Variants in BNC2 observed in about 807,000 individuals in gnomAD.
BNC2 encodes the protein zinc finger protein basonuclin-2.
A neutral mutation model predicts 76.3 loss-of-function variants in BNC2; 20 were observed. That is an observed-to-expected ratio of 0.26 (90% CI 0.18 to 0.38). The LOEUF (loss-of-function observed/expected upper bound fraction) is 0.38. Among genes scored for constraint, BNC2 ranks in the 10% least tolerant of loss-of-function variants. BNC2 has a pLI of 1.00. For missense variants in BNC2, 1,382 were observed against 1,399.8 expected (o/e 0.99, Z 0.20); for synonymous variants, 582 against 514.8 (o/e 1.13, Z -1.77).
At chr9:16,675,706 T>TA (rs1350373245) in intron 3 of BNC2, among the ~76,000 whole-genome samples, 2 of 152,238 alleles carry the variant, frequency 1.3e-5, no homozygotes, top group African/African-American at 2.4e-5. Flanking sequence ...TGATTTTGGT[T>TA]AAGTCTTAAA....
At chr9:16,774,937 TA>T (rs1825923866) in intron 1 of BNC2, among the ~76,000 whole-genome samples, 1 of 152,240 alleles carries the variant, frequency 6.6e-6, no homozygotes, top group South Asian at 2.1e-4. Context: ...TTTTTGCTTT[TA>T]CTAAAATATG....
At chr9:16,556,179 A>T (rs1818825581) in intron 4 of BNC2, among the ~76,000 whole-genome samples, 1 of 152,094 alleles carries the variant, frequency 6.6e-6, no homozygotes, top group Non-Finnish European at 1.5e-5. Context: ...AGTCCCAGCT[A>T]CTTGGGAGGC....
intron 5 of BNC2, among the ~76,000 whole-genome samples, chr9:16,480,576 G>A (rs926677481): frequency 2.6e-4 from 40 of 152,316 alleles, no homozygotes; most frequent in Admixed American, 1.1e-3. Flanking sequence ...CCGGGTGGGC[G>A]TGGGCTTGGC....
chr9:16,564,418 C>T (rs529807309), intron 4 of BNC2, among the ~76,000 whole-genome samples: 2 of 152,238 alleles, frequency 1.3e-5, no homozygotes, highest in East Asian at 3.9e-4. Context: ...GGCACAGCTA[C>T]AAAATGATTG....
At chr9:16,735,654 C>T (rs1415360310) in intron 2 of BNC2, among the ~76,000 whole-genome samples, 2 of 151,550 alleles carry the variant, frequency 1.3e-5, no homozygotes, top group African/African-American at 2.4e-5. Flanking sequence ...GTGCCATCAC[C>T]CCCGGCTAAT....
chr9:16,447,241 A>G (rs182957285), intron 5 of BNC2, among the ~76,000 whole-genome samples: 17 of 152,294 alleles, frequency 1.1e-4, no homozygotes, highest in African/African-American at 4.1e-4. Flanking sequence ...ATCTAGCCCT[A>G]TACCTTTAGG....
At chr9:16,491,393 C>T (rs1299961049) in intron 5 of BNC2, among the ~76,000 whole-genome samples, 1 of 152,150 alleles carries the variant, frequency 6.6e-6, no homozygotes, top group Non-Finnish European at 1.5e-5. Context: ...ACATGCATTT[C>T]TCAGAAATGA....
intron 6 of BNC2, chr9:16,434,748 T>A (rs765281001): frequency 2.3e-6 from 1 of 441,316 alleles, no homozygotes; most frequent in South Asian, 1.6e-5. Flanking sequence ...TGCAACTACA[T>A]AGCAAGAGTG....
At chr9:16,482,215 A>G (rs909352616) in intron 5 of BNC2, among the ~76,000 whole-genome samples, 2 of 152,354 alleles carry the variant, frequency 1.3e-5, no homozygotes, top group South Asian at 4.1e-4. Flanking sequence ...AATAAGTTTA[A>G]TCTTGGCCAA....
At chr9:16,807,228 T>C (rs927740444) in intron 1 of BNC2, among the ~76,000 whole-genome samples, 2 of 152,220 alleles carry the variant, frequency 1.3e-5, no homozygotes, top group Admixed American at 6.5e-5. Context: ...CAGATCTCTT[T>C]ATGACTAGAA....
intron 5 of BNC2, among the ~76,000 whole-genome samples, chr9:16,480,568 G>A (rs1443089591): frequency 3.3e-5 from 5 of 152,170 alleles, no homozygotes; most frequent in Admixed American, 1.3e-4. Flanking sequence ...CTGGAGTTCC[G>A]GGTGGGCGTG....
intron 3 of BNC2, among the ~76,000 whole-genome samples, chr9:16,645,473 T>TTTATACCCAGTTTAGTA (rs2133891840): frequency 6.6e-6 from 1 of 152,328 alleles, no homozygotes; most frequent in South Asian, 2.1e-4. Context: ...CACTGGATAT[T>TTTATACCCAGTTTAGTA]TTATACCCAA....
intron 1 of BNC2, among the ~76,000 whole-genome samples, chr9:16,739,242 A>G (rs539413391): frequency 4.6e-5 from 7 of 152,304 alleles, no homozygotes; most frequent in Middle Eastern, 3.4e-3. Flanking sequence ...TTATCTACCA[A>G]CAGTCCAAAC....
chr9:16,655,124 C>A (rs898721741), intron 3 of BNC2, among the ~76,000 whole-genome samples: 7 of 151,678 alleles, frequency 4.6e-5, no homozygotes, highest in African/African-American at 1.7e-4. Context: ...AGATCAGAAT[C>A]CTTGCCACAT....
At chr9:16,670,925 C>T (rs568229809) in intron 3 of BNC2, among the ~76,000 whole-genome samples, 10 of 152,292 alleles carry the variant, frequency 6.6e-5, no homozygotes, top group African/African-American at 1.4e-4. Flanking sequence ...CCCCACTGAT[C>T]GCTAATTAGC....
At chr9:16,787,782 T>G (rs1050513634) in intron 1 of BNC2, among the ~76,000 whole-genome samples, 1 of 152,152 alleles carries the variant, frequency 6.6e-6, no homozygotes, top group African/African-American at 2.4e-5. Flanking sequence ...AACTTCTTGC[T>G]TCAGGTGATC....
chr9:16,520,798 C>G (rs2132068327), intron 5 of BNC2, among the ~76,000 whole-genome samples: 1 of 152,252 alleles, frequency 6.6e-6, no homozygotes. Flanking sequence ...CTATAAGTTT[C>G]TTATATCAGG....
intron 5 of BNC2, among the ~76,000 whole-genome samples, chr9:16,450,933 G>A (rs759094156): frequency 2.0e-5 from 3 of 152,206 alleles, no homozygotes; most frequent in Non-Finnish European, 4.4e-5. Context: ...CAGTTAAGGG[G>A]ACTGAGATGC....
intron 1 of BNC2, among the ~76,000 whole-genome samples, chr9:16,858,938 G>A (rs1368913094): frequency 6.6e-6 from 1 of 151,860 alleles, no homozygotes; most frequent in Non-Finnish European, 1.5e-5. Context: ...TAGAAAGTGA[G>A]AAAAAATGTG....
Sources: allele counts gnomAD v4.1 joint callset (sites outside exome capture counted in the v4.1 genomes callset), GRCh38; gene constraint gnomAD v4.1.1; transcripts MANE v1.5; gene names NCBI Gene and HGNC (gene_info 2026-07-23, HGNC 2026-07-21).